GPRASP3: variants seen among roughly 807,000 people sequenced by gnomAD.
The protein encoded by GPRASP3 is G protein-coupled receptor associated sorting protein family member 3.
the GPRASP3 span, among the ~76,000 whole-genome samples, chrX:102,745,752 G>A: frequency 1.4e-4 from 15 of 110,931 alleles, no homozygotes; most frequent in African/African-American, 4.9e-4. Flanking sequence ...CCCCTGCCTG[G>A]GTCCCCAGCC....
the GPRASP3 span, chrX:102,720,983 G>C: frequency 3.6e-5 from 4 of 112,356 alleles, no homozygotes; most frequent in Non-Finnish European, 7.5e-5. Context: ...GAGTCTACCT[G>C]CCCGACGCGT....
At chrX:102,725,932 G>A in the GPRASP3 span, among the ~76,000 whole-genome samples, 1 of 111,744 alleles carries the variant, frequency 8.9e-6, no homozygotes, top group East Asian at 2.8e-4. Flanking sequence ...AGTGTTGAGG[G>A]ACAGGAAGCA....
chrX:102,731,709 C>G, the GPRASP3 span, among the ~76,000 whole-genome samples: 1 of 111,434 alleles, frequency 9.0e-6, no homozygotes, highest in South Asian at 3.8e-4. Flanking sequence ...ACTTGAAGGA[C>G]AAGCACACTG....
chrX:102,720,842 G>A, the GPRASP3 span: 1 of 112,219 alleles, frequency 8.9e-6, no homozygotes, highest in Non-Finnish European at 1.9e-5. Context: ...GTCTTTCCAT[G>A]CTGCATCAGC....
the GPRASP3 span, among the ~76,000 whole-genome samples, chrX:102,736,767 A>G: frequency 8.9e-6 from 1 of 112,068 alleles, no homozygotes; most frequent in African/African-American, 3.2e-5. Context: ...CAAATGTGCA[A>G]GTATTCCTCC....
At chrX:102,752,466 C>A in the GPRASP3 span, 1 of 123,059 alleles carries the variant, frequency 8.1e-6, no homozygotes, top group Non-Finnish European at 1.9e-5. Context: ...AATATTTTTC[C>A]CATGTTAACA....
the GPRASP3 span, chrX:102,751,643 C>G: frequency 4.1e-5 from 5 of 123,320 alleles, no homozygotes; most frequent in East Asian, 1.1e-3. Flanking sequence ...CCAGGTGTTA[C>G]AATTCTTAAC....
chrX:102,734,432 T>C, the GPRASP3 span, among the ~76,000 whole-genome samples: 2 of 111,611 alleles, frequency 1.8e-5, no homozygotes, highest in African/African-American at 6.5e-5. Flanking sequence ...GCCTGGCCAA[T>C]ATGGCGAAAC....
At chrX:102,744,283 T>C in the GPRASP3 span, among the ~76,000 whole-genome samples, 1 of 112,411 alleles carries the variant, frequency 8.9e-6, no homozygotes, top group Non-Finnish European at 1.9e-5. Flanking sequence ...AAAGAAATTA[T>C]GCATTTTAAT....
chrX:102,752,316 A>G, the GPRASP3 span: 2 of 123,339 alleles, frequency 1.6e-5, no homozygotes, highest in Non-Finnish European at 3.8e-5. Context: ...ATATGGAGTT[A>G]TATGCTTTGA....
At chrX:102,729,489 T>A in the GPRASP3 span, among the ~76,000 whole-genome samples, 13 of 112,191 alleles carry the variant, frequency 1.2e-4, no homozygotes, top group Admixed American at 1.1e-3. Flanking sequence ...ATAATAATAG[T>A]GGATAACAGT....
At chrX:102,740,891 AAAG>A in the GPRASP3 span, among the ~76,000 whole-genome samples, 3 of 111,525 alleles carry the variant, frequency 2.7e-5, no homozygotes, top group Admixed American at 9.5e-5. Context: ...AAGAAAAAGA[AAAG>A]AAGAAAAGAA....
chrX:102,735,428 G>A, the GPRASP3 span, among the ~76,000 whole-genome samples: 1 of 91,822 alleles, frequency 1.1e-5, no homozygotes, highest in Non-Finnish European at 2.1e-5. Context: ...TTTTTGAGAC[G>A]ACGTCTTGCT....
the GPRASP3 span, among the ~76,000 whole-genome samples, chrX:102,723,189 G>T: frequency 1.3e-4 from 15 of 111,848 alleles, no homozygotes; most frequent in Non-Finnish European, 2.8e-4. Context: ...ATCAAATGCT[G>T]ATTTCTTCAT....
chrX:102,725,163 C>G, the GPRASP3 span, among the ~76,000 whole-genome samples: 1 of 111,845 alleles, frequency 8.9e-6, no homozygotes. Flanking sequence ...TCATAACATT[C>G]TTCCAAGTCA....
chrX:102,745,767 G>T, the GPRASP3 span, among the ~76,000 whole-genome samples: 1 of 110,453 alleles, frequency 9.1e-6, no homozygotes, highest in Non-Finnish European at 1.9e-5. Flanking sequence ...CCAGCCGCCC[G>T]CCCGTCCCTA....
At chrX:102,738,267 G>T in the GPRASP3 span, among the ~76,000 whole-genome samples, 6 of 112,241 alleles carry the variant, frequency 5.3e-5, no homozygotes, top group South Asian at 1.9e-3. Context: ...AGGGAAAAAG[G>T]TGTCCTCTCT....
the GPRASP3 span, among the ~76,000 whole-genome samples, chrX:102,731,014 G>A: frequency 8.9e-6 from 1 of 112,351 alleles, no homozygotes; most frequent in Non-Finnish European, 1.9e-5. Flanking sequence ...TGCATAGTTG[G>A]AATACTAGAA....
the GPRASP3 span, among the ~76,000 whole-genome samples, chrX:102,746,965 A>G: frequency 8.9e-6 from 1 of 111,943 alleles, no homozygotes; most frequent in Non-Finnish European, 1.9e-5. Context: ...CAACATGCTG[A>G]TCCACTTTAA....
Sources: gnomAD v4.1 joint callset for allele counts (sites outside exome capture counted in the v4.1 genomes callset) on GRCh38, gnomAD v4.1.1 for gene constraint, MANE v1.5 for transcripts, NCBI Gene and HGNC (gene_info 2026-07-23, HGNC 2026-07-21) for gene names.